Variants in ANO3 observed in about 807,000 individuals in gnomAD.
ANO3 encodes the protein anoctamin 3.
A neutral mutation model predicts 144.8 loss-of-function variants in ANO3; 99 were observed. That is an observed-to-expected ratio of 0.68 (90% CI 0.58 to 0.81). ANO3 has a LOEUF of 0.81. ANO3 is among the 30% of genes least tolerant of loss of function. The pLI is 0.00. For missense variants in ANO3, 905 were observed against 1,202.2 expected (o/e 0.75, Z 3.66); for synonymous variants, 414 against 392.6 (o/e 1.05, Z -0.64).
chr11:26,509,068 C>T (rs1040448862), intron 5 of ANO3, among the ~76,000 whole-genome samples: 8 of 139,808 alleles, frequency 5.7e-5, no homozygotes, highest in South Asian at 2.4e-4. Flanking sequence ...TATATATGTA[C>T]GTATACATAT....
intron 1 of ANO3, among the ~76,000 whole-genome samples, chr11:26,411,327 T>C (rs768391238): frequency 1.3e-5 from 2 of 151,964 alleles, no homozygotes; most frequent in African/African-American, 2.4e-5. Flanking sequence ...TATAACAAAA[T>C]TGTTAAGAAT....
intron 1 of ANO3, among the ~76,000 whole-genome samples, chr11:26,216,792 T>C (rs147107682): frequency 6.6e-6 from 1 of 152,194 alleles, no homozygotes; most frequent in African/African-American, 2.4e-5. Context: ...TATTTCATTG[T>C]TGGGTAACTT....
chr11:26,349,738 C>T (rs1017621963), intron 1 of ANO3, among the ~76,000 whole-genome samples: 1 of 151,880 alleles, frequency 6.6e-6, no homozygotes, highest in African/African-American at 2.4e-5. Flanking sequence ...TTAGTAGAGA[C>T]GGGGTTTCAC....
intron 4 of ANO3, among the ~76,000 whole-genome samples, chr11:26,489,816 G>A (rs1860629003): frequency 6.6e-6 from 1 of 152,174 alleles, no homozygotes; most frequent in African/African-American, 2.4e-5. Flanking sequence ...TGGAAAGGCT[G>A]TATTGACCCA....
At chr11:26,302,882 T>C (rs1854270017) in intron 1 of ANO3, among the ~76,000 whole-genome samples, 1 of 152,066 alleles carries the variant, frequency 6.6e-6, no homozygotes, top group South Asian at 2.1e-4. Flanking sequence ...ACCCTATTAA[T>C]AATGGGCAAA....
intron 4 of ANO3, chr11:26,474,016 A>AGGG: frequency 1.0e-6 from 1 of 985,150 alleles, no homozygotes; most frequent in Admixed American, 6.2e-5. Flanking sequence ...AGGCGGTGAA[A>AGGG]GGGAGAACTT....
intron 4 of ANO3, among the ~76,000 whole-genome samples, chr11:26,491,130 A>G (rs988737569): frequency 2.0e-5 from 3 of 152,124 alleles, no homozygotes; most frequent in African/African-American, 7.2e-5. Flanking sequence ...AAATGTATCT[A>G]TTCTTGTACA....
chr11:26,191,788 T>C (rs551224579), intron 1 of ANO3, among the ~76,000 whole-genome samples: 100 of 152,328 alleles, frequency 6.6e-4, no homozygotes, highest in Middle Eastern at 3.4e-3. Context: ...TTTTCCGAAA[T>C]GCATATGGCC....
chr11:26,452,839 G>A (rs1858999604), intron 3 of ANO3, among the ~76,000 whole-genome samples: 1 of 152,162 alleles, frequency 6.6e-6, no homozygotes. Context: ...GAAAGGATGG[G>A]TTACCTACAA....
intron 18 of ANO3, among the ~76,000 whole-genome samples, chr11:26,627,248 A>G (rs1479420352): frequency 2.6e-5 from 4 of 152,026 alleles, no homozygotes; most frequent in Admixed American, 1.3e-4. Flanking sequence ...CCGCATCATG[A>G]CTGTATAACT....
chr11:26,554,672 G>C (rs1850033402), intron 13 of ANO3, among the ~76,000 whole-genome samples: 1 of 151,998 alleles, frequency 6.6e-6, no homozygotes, highest in African/African-American at 2.4e-5. Context: ...CATAATGAGG[G>C]CTCCCAGTGG....
At chr11:26,264,434 A>G (rs1853261886) in intron 1 of ANO3, among the ~76,000 whole-genome samples, 1 of 152,184 alleles carries the variant, frequency 6.6e-6, no homozygotes, top group South Asian at 2.1e-4. Flanking sequence ...GACCCAGAAG[A>G]AGTTAATGTG....
intron 1 of ANO3, among the ~76,000 whole-genome samples, chr11:26,360,745 T>C (rs1195838014): frequency 6.6e-6 from 1 of 152,210 alleles, no homozygotes; most frequent in African/African-American, 2.4e-5. Flanking sequence ...GTCAATTTTC[T>C]TTGTTACCTT....
intron 14 of ANO3, among the ~76,000 whole-genome samples, chr11:26,580,732 A>G (rs1851106835): frequency 6.6e-6 from 1 of 152,244 alleles, no homozygotes; most frequent in Non-Finnish European, 1.5e-5. Context: ...ATATTTTCAG[A>G]CAATTAAGCT....
At chr11:26,316,783 A>G (rs538320708) in intron 1 of ANO3, among the ~76,000 whole-genome samples, 1 of 152,282 alleles carries the variant, frequency 6.6e-6, no homozygotes, top group South Asian at 2.1e-4. Context: ...TTTCTGGGAT[A>G]GGAATCTTGG....
chr11:26,434,811 T>A (rs1858237815), intron 1 of ANO3, among the ~76,000 whole-genome samples: 1 of 152,224 alleles, frequency 6.6e-6, no homozygotes, highest in Non-Finnish European at 1.5e-5. Context: ...ATTTTGGTTC[T>A]TATGCATTTG....
intron 1 of ANO3, among the ~76,000 whole-genome samples, chr11:26,263,773 G>A: frequency 6.6e-6 from 1 of 152,076 alleles, no homozygotes; most frequent in Non-Finnish European, 1.5e-5. Flanking sequence ...CATCATATTG[G>A]TTTCATTGAT....
intron 12 of ANO3, among the ~76,000 whole-genome samples, chr11:26,548,134 C>A (rs2703413): frequency 0.66 from 99,786 of 151,482 alleles, 33,142 homozygotes; most frequent in East Asian, 0.83. Context: ...CCTATTATTA[C>A]TCTCTGGAGG....
Position 26,295,394 on chromosome 11 carries a change from G to C in ANO3, c.155-14251G>C, listed in dbSNP as rs557505159. Among the ~76,000 whole-genome samples the C allele has an allele frequency of 3.9e-3, 590 of 151,060 alleles. 2 individuals carry two copies. Among genetic ancestry groups the C allele is most frequent in the African/African-American group, 0.014 (559 of 41,328 alleles). On this transcript the variant is annotated intron_variant, in intron 1 of 27. Coordinates refer to the ANO3 transcript ENST00000672621. ...AAAAAAATTAGCCGGGCTTAGTGGC[G>C]GGCGCCTATAGTCCCAGCTACTCCG...
Sources: allele counts gnomAD v4.1 joint callset (sites outside exome capture counted in the v4.1 genomes callset), GRCh38; gene constraint gnomAD v4.1.1; transcripts MANE v1.5; gene names NCBI Gene and HGNC (gene_info 2026-07-23, HGNC 2026-07-21).